The following PAX7 variants were observed in gnomAD, a reference collection of about 807,000 sequenced individuals.
PAX7 encodes paired box 7.
Under a neutral mutation model 50.7 loss-of-function variants are expected in PAX7, and 18 were observed. That is an observed-to-expected ratio of 0.36 (90% CI 0.25 to 0.53). PAX7 has a LOEUF of 0.53. Ranked by LOEUF, PAX7 falls within the 20% of genes least tolerant of loss-of-function variation. The pLI is 0.93. For missense variants in PAX7, 644 were observed against 702.9 expected (o/e 0.92, Z 0.95); for synonymous variants, 310 against 290.4 (o/e 1.07, Z -0.69).
intron 5 of PAX7, among the ~76,000 whole-genome samples, chr1:18,693,335 C>G (rs2089103064): frequency 6.6e-6 from 1 of 152,136 alleles, no homozygotes; most frequent in African/African-American, 2.4e-5. Flanking sequence ...AAGCTCAGAC[C>G]ACCTTGTCGG....
intron 4 of PAX7, among the ~76,000 whole-genome samples, chr1:18,688,345 GACA>G (rs891621533): frequency 2.6e-5 from 4 of 152,216 alleles, no homozygotes; most frequent in African/African-American, 9.6e-5. Flanking sequence ...GTTAAGAAGA[GACA>G]ACAACTGTGT....
At chr1:18,742,148 CTTT>C (rs61248648) in intron 8 of PAX7, among the ~76,000 whole-genome samples, 7,463 of 103,382 alleles carry the variant, frequency 0.072, 446 homozygotes, top group South Asian at 0.084. Context: ...AATGAGGCTT[CTTT>C]TTTTTTTTTT....
Position 18,636,514 on chromosome 1 carries a change from C to A in PAX7, c.586+143C>A. ...CTCATGCTGCGGGGCAGCTGGGAGC[C>A]GCTCAGGCTTTGCCGACAGCGCCCC... On this transcript the variant is annotated intron_variant, in intron 4 of 8. Coordinates refer to ENST00000420770, the MANE Select transcript of PAX7 (RefSeq NM_001135254.2). The surrounding 1 kb of genome is among the most constrained non-coding windows in gnomAD (Gnocchi z 5.1). 1 of 1,099,984 alleles carries A rather than the reference C, an allele frequency of 9.1e-7. No homozygotes were observed. Among genetic ancestry groups the A allele is most frequent in the East Asian group, 2.5e-5 (1 of 40,286 alleles). 68.1% of individuals were successfully genotyped at this position (1,099,984 alleles called of 1,614,324 possible).
chr1:18,704,828 C>T (rs184685635), intron 7 of PAX7, among the ~76,000 whole-genome samples: 142 of 152,254 alleles, frequency 9.3e-4, no homozygotes, highest in African/African-American at 3.3e-3. Context: ...TCAGCTGCAT[C>T]GTTTATTTAT....
At chr1:18,732,597 AAGTGCAGGGT>A (rs2089659909) in intron 7 of PAX7, among the ~76,000 whole-genome samples, 2 of 152,350 alleles carry the variant, frequency 1.3e-5, no homozygotes, top group South Asian at 4.1e-4. Context: ...CTGGAAGGTA[AAGTGCAGGGT>A]AGAAAGGGGT....
At chr1:18,684,216 G>A (rs1438315224) in intron 4 of PAX7, among the ~76,000 whole-genome samples, 6 of 152,228 alleles carry the variant, frequency 3.9e-5, no homozygotes, top group African/African-American at 1.2e-4. Context: ...TGCCAGGACA[G>A]GTTCCAAGCT....
At chr1:18,663,174 C>T (rs2088624127) in intron 4 of PAX7, among the ~76,000 whole-genome samples, 1 of 152,192 alleles carries the variant, frequency 6.6e-6, no homozygotes, top group Non-Finnish European at 1.5e-5. Flanking sequence ...TTCTCGACAC[C>T]TCGCCAGTGA....
intron 7 of PAX7, among the ~76,000 whole-genome samples, chr1:18,710,499 T>C (rs996407016): frequency 1.3e-5 from 2 of 151,828 alleles, no homozygotes; most frequent in African/African-American, 2.4e-5. Context: ...GAGAGATTTG[T>C]AGGCAGGAAG....
chr1:18,640,377 T>A (rs2088232173), intron 4 of PAX7, among the ~76,000 whole-genome samples: 3 of 150,344 alleles, frequency 2.0e-5, no homozygotes, highest in Non-Finnish European at 4.4e-5. Context: ...AGCGAGTGAA[T>A]AGGGGAAGGG....
At chr1:18,702,177 C>A (rs554224916) in intron 6 of PAX7, among the ~76,000 whole-genome samples, 4 of 146,434 alleles carry the variant, frequency 2.7e-5, no homozygotes, top group East Asian at 2.0e-4. Flanking sequence ...ACTAAAAATA[C>A]AAAAAAAAAA....
At position 18,661,690 on chromosome 1, in the gene PAX7, C is replaced by A. The variant is rs574140093; in HGVS notation, c.586+25319C>A. On this transcript the variant is annotated intron_variant, in intron 4 of 8. Coordinates refer to ENST00000420770, the MANE Select transcript of PAX7 (RefSeq NM_001135254.2). ...AGGTGCTCAGAGTATGGGCCTGGAG[C>A]CCATGCTGGCTTTCTGGCTGCAGCA... Among the ~76,000 whole-genome samples, 4 of 152,354 alleles carry A rather than the reference C, an allele frequency of 2.6e-5. No individual in the cohort carries two copies. In the East Asian group the frequency reaches 7.7e-4, roughly 29 times the overall value.
intron 8 of PAX7, among the ~76,000 whole-genome samples, chr1:18,744,489 TG>T (rs57248131): frequency 9.6e-5 from 2 of 20,866 alleles, no homozygotes; most frequent in Admixed American, 6.9e-4. Flanking sequence ...GATAAATGGA[TG>T]GATGGATGGA....
chr1:18,723,033 T>C (rs2089513871), intron 7 of PAX7, among the ~76,000 whole-genome samples: 1 of 152,230 alleles, frequency 6.6e-6, no homozygotes, highest in African/African-American at 2.4e-5. Context: ...GCAGACTTCA[T>C]AGTCCAGTTG....
At chr1:18,668,991 C>T (rs2088705808) in intron 4 of PAX7, among the ~76,000 whole-genome samples, 1 of 152,212 alleles carries the variant, frequency 6.6e-6, no homozygotes, top group African/African-American at 2.4e-5. Flanking sequence ...ATGAGTTCTT[C>T]CCAGGCCAGG....
intron 4 of PAX7, among the ~76,000 whole-genome samples, chr1:18,677,626 G>A (rs540280236): frequency 9.9e-5 from 15 of 152,240 alleles, no homozygotes; most frequent in Admixed American, 3.3e-4. Context: ...CGGGAAGCTG[G>A]AAGCATAGAA....
At chr1:18,687,780 C>G (rs900325952) in intron 4 of PAX7, among the ~76,000 whole-genome samples, 6 of 152,170 alleles carry the variant, frequency 3.9e-5, no homozygotes, top group Non-Finnish European at 8.8e-5. Context: ...AGGATCATGC[C>G]AGATCCTTTC....
chr1:18,635,669 A>T (rs2088142630), intron 3 of PAX7, among the ~76,000 whole-genome samples: 1 of 152,056 alleles, frequency 6.6e-6, no homozygotes. Context: ...GATCTGTCCT[A>T]GGAGGGTGGA....
intron 7 of PAX7, among the ~76,000 whole-genome samples, chr1:18,710,617 A>G (rs2089338605): frequency 6.6e-6 from 1 of 152,102 alleles, no homozygotes. Context: ...TGATATTGGA[A>G]GGTTTTGCCT....
At chr1:18,698,243 C>A (rs1446211321) in intron 5 of PAX7, among the ~76,000 whole-genome samples, 1 of 151,250 alleles carries the variant, frequency 6.6e-6, no homozygotes, top group Non-Finnish European at 1.5e-5. Flanking sequence ...ATGCACAACA[C>A]TCCCATAAAG....
Sources: allele counts gnomAD v4.1 joint callset (sites outside exome capture counted in the v4.1 genomes callset), GRCh38; gene constraint gnomAD v4.1.1; non-coding constraint Gnocchi (gnomAD v3.1); transcripts MANE v1.5; gene names NCBI Gene and HGNC (gene_info 2026-07-23, HGNC 2026-07-21).